TRPM3: variants seen among roughly 807,000 people sequenced by gnomAD.
The protein encoded by TRPM3 is transient receptor potential cation channel subfamily M member 3.
A neutral mutation model predicts 181.2 loss-of-function variants in TRPM3; 77 were observed. The ratio of observed to expected loss-of-function variants is 0.42; its 90% CI spans 0.35 to 0.51. TRPM3 has a LOEUF of 0.51. Ranked by LOEUF, TRPM3 falls within the 20% of genes least tolerant of loss-of-function variation. The pLI is 0.01. For synonymous variants in TRPM3, 745 were observed against 796.4 expected, an observed-to-expected ratio of 0.94 and a Z score of 1.09; for missense variants, 1,759 against 2,196.7, an observed-to-expected ratio of 0.80 and a Z score of 3.98.
chr9:71,062,420 A>AT (rs1482049466), intron 1 of TRPM3, among the ~76,000 whole-genome samples: 1 of 152,084 alleles, frequency 6.6e-6, no homozygotes, highest in Non-Finnish European at 1.5e-5. Context: ...AGCAAGAAAA[A>AT]TTTTATATTC....
Position 70,602,971 on chromosome 9 carries a change from A to T in TRPM3, c.2796+371T>A, listed in dbSNP as rs981522132. On this transcript the variant is annotated intron_variant, in intron 20 of 25. Transcript: ENST00000677713. ...GCAGCCGAAATACATCCAGAGAGTC[A>T]CAGGTATTGGCAGACTGTGTCCGAA... Among the ~76,000 whole-genome samples, 42 of 152,346 alleles carry T rather than the reference A, an allele frequency of 2.8e-4. No individual in the cohort carries two copies. The East Asian group carries it at 3.7e-3, about 13-fold the overall frequency.
At chr9:71,081,155 G>T (rs1326331278) in intron 1 of TRPM3, among the ~76,000 whole-genome samples, 1 of 152,184 alleles carries the variant, frequency 6.6e-6, no homozygotes, top group Non-Finnish European at 1.5e-5. Flanking sequence ...AAATTGAAAT[G>T]TACTCTGCCT....
intron 1 of TRPM3, among the ~76,000 whole-genome samples, chr9:70,976,187 C>T (rs1219382620): frequency 2.0e-5 from 3 of 152,138 alleles, no homozygotes; most frequent in Non-Finnish European, 2.9e-5. Flanking sequence ...ATTCCTGGTG[C>T]AGAACAACTC....
At chr9:71,446,539 A>G in intron 1 of TRPM3, 2 of 1,100,930 alleles carry the variant, frequency 1.8e-6, no homozygotes, top group East Asian at 5.6e-5. Flanking sequence ...GCGGCGCCAC[A>G]AGTTCCCTGG....
intron 1 of TRPM3, among the ~76,000 whole-genome samples, chr9:71,374,472 A>C (rs2092614596): frequency 6.6e-6 from 1 of 152,214 alleles, no homozygotes; most frequent in Non-Finnish European, 1.5e-5. Flanking sequence ...CATATATGAC[A>C]AACCCATGGC....
intron 1 of TRPM3, among the ~76,000 whole-genome samples, chr9:71,165,081 G>C (rs2076472858): frequency 1.3e-5 from 2 of 152,126 alleles, no homozygotes; most frequent in South Asian, 4.1e-4. Flanking sequence ...ATATGTTTAT[G>C]ATAAGGACAA....
chr9:70,910,259 C>T (rs557013356), intron 1 of TRPM3, among the ~76,000 whole-genome samples: 10 of 152,282 alleles, frequency 6.6e-5, no homozygotes. Flanking sequence ...GGGTGATTCT[C>T]ATCAACATAA....
rs544371034 is a variant in TRPM3, at chr9:71,001,595, G to A, written c.177+119583C>T. ...AAAAGCCAGGAACAACAGAGACATT[G>A]TGAAAAAGAAAACCACTCCTTAGTT... On this transcript the variant is annotated intron_variant, in intron 1 of 25. Coordinates refer to ENST00000677713, the MANE Select transcript of TRPM3 (RefSeq NM_001366145.2). Among the ~76,000 whole-genome samples the A allele has an allele frequency of 5.3e-5, 8 of 152,296 alleles. No individual in the cohort carries two copies. The South Asian group carries it at 1.7e-3, about 32-fold the overall frequency.
chr9:71,396,456 CA>C (rs1338264784), intron 1 of TRPM3, among the ~76,000 whole-genome samples: 1 of 152,066 alleles, frequency 6.6e-6, no homozygotes, highest in African/African-American at 2.4e-5. Context: ...TTACAACTTC[CA>C]TTTTAATTTT....
intron 1 of TRPM3, among the ~76,000 whole-genome samples, chr9:71,402,098 C>G (rs945917370): frequency 7.9e-5 from 12 of 152,190 alleles, no homozygotes; most frequent in African/African-American, 2.9e-4. Context: ...AACAAACTGT[C>G]GTCAATTACT....
rs1158059965 is a variant in TRPM3 at position 71,395,558 on chromosome 9, A to G, written c.183+51095T>C. Among the ~76,000 whole-genome samples, 3 of 152,244 alleles carry G rather than the reference A, an allele frequency of 2.0e-5. No individual in the cohort carries two copies. The East Asian group carries it at 5.8e-4, about 29-fold the overall frequency. ...ACTTCATGTAATTGACCGCAGCAGT[A>G]TGGTTCTCAGGTAACATTGGTACCA... On this transcript the variant is annotated intron_variant, in intron 1 of 24. Coordinates refer to the TRPM3 transcript ENST00000357533.
At chr9:70,860,693 TATAAG>T (rs1640353661) in intron 3 of TRPM3, among the ~76,000 whole-genome samples, 1 of 152,190 alleles carries the variant, frequency 6.6e-6, no homozygotes, top group Non-Finnish European at 1.5e-5. Flanking sequence ...TAAAATAAAA[TATAAG>T]ATATGTGCAT....
intron 1 of TRPM3, among the ~76,000 whole-genome samples, chr9:71,375,497 T>C (rs188945426): frequency 2.6e-3 from 401 of 152,222 alleles, no homozygotes; most frequent in African/African-American, 9.1e-3. Context: ...TCTAAAGCAA[T>C]TGCAACAGAA....
intron 1 of TRPM3, among the ~76,000 whole-genome samples, chr9:70,897,156 T>G (rs2096290433): frequency 6.9e-6 from 1 of 143,920 alleles, no homozygotes; most frequent in Non-Finnish European, 1.5e-5. Context: ...TAACTGTAGT[T>G]GCCCCACTCT....
At chr9:71,422,769 A>C (rs1263125577) in intron 1 of TRPM3, among the ~76,000 whole-genome samples, 1 of 152,050 alleles carries the variant, frequency 6.6e-6, no homozygotes, top group Non-Finnish European at 1.5e-5. Context: ...CAGCTGATAA[A>C]ACACACATAT....
rs758961524 is a variant in TRPM3 at position 70,535,531 on chromosome 9, CTATTT to C, written c.*417_*421del. 1.2e-5 allele frequency: 19 copies of C among 1,546,372 alleles called. No individual in the cohort carries two copies. The East Asian group carries it at 2.4e-4, about 20-fold the overall frequency. ...TAGAATATCTCATTGTGTACGCTGG[CTATTT>C]TATTTTATTTTGCAATTTAGCCCTG... On this transcript the variant is annotated 3_prime_UTR_variant, in exon 26 of 26. Transcript: ENST00000677713.
chr9:71,087,052 A>G, intron 1 of TRPM3, among the ~76,000 whole-genome samples: 1 of 151,966 alleles, frequency 6.6e-6, no homozygotes, highest in East Asian at 1.9e-4. Flanking sequence ...ATTCTTGAAA[A>G]TTTTTGGACA....
intron 1 of TRPM3, among the ~76,000 whole-genome samples, chr9:70,915,980 T>A (rs2096590406): frequency 6.6e-6 from 1 of 152,066 alleles, no homozygotes; most frequent in Admixed American, 6.6e-5. Context: ...AAAGAATGAA[T>A]ACTAAAAGCA....
At chr9:70,739,003 A>C (rs535825829) in intron 8 of TRPM3, among the ~76,000 whole-genome samples, 1 of 152,264 alleles carries the variant, frequency 6.6e-6, no homozygotes, top group African/African-American at 2.4e-5. Context: ...ATTGCCAACC[A>C]AGAAAACTTC....
Sources: gnomAD v4.1 joint callset for allele counts (sites outside exome capture counted in the v4.1 genomes callset) on GRCh38, gnomAD v4.1.1 for gene constraint, MANE v1.5 for transcripts, NCBI Gene and HGNC (gene_info 2026-07-23, HGNC 2026-07-21) for gene names.